Variants in GCH1 observed in about 807,000 individuals in gnomAD.
The protein encoded by GCH1 is GTP cyclohydrolase 1.
A neutral mutation model predicts 25.9 loss-of-function variants in GCH1; 5 were observed. That is an observed-to-expected ratio of 0.19 (90% CI 0.10 to 0.41). The LOEUF is 0.41. GCH1 is among the 10% of genes least tolerant of loss of function. GCH1 has a pLI of 1.00. For missense variants in GCH1, 261 were observed against 336.5 expected (o/e 0.78, Z 1.75); for synonymous variants, 159 against 129.6 (o/e 1.23, Z -1.54).
intron 1 of GCH1, among the ~76,000 whole-genome samples, chr14:54,874,361 C>G (rs996329120): frequency 3.9e-5 from 6 of 152,242 alleles, no homozygotes; most frequent in African/African-American, 1.4e-4. Flanking sequence ...TAAGAGCTAT[C>G]TATGACAAAC....
At chr14:54,862,184 C>T (rs889310168) in intron 2 of GCH1, among the ~76,000 whole-genome samples, 21 of 151,934 alleles carry the variant, frequency 1.4e-4, no homozygotes, top group Admixed American at 1.2e-3. Context: ...GGTATGCACC[C>T]ACCATGCCCA....
chr14:54,843,134 G>C lies in GCH1; in HGVS notation c.*883C>G. 2 of 1,514,882 alleles carry C rather than the reference G, an allele frequency of 1.3e-6. No individual in the cohort carries two copies. The highest frequency in any genetic ancestry group is 2.1e-4 in the Middle Eastern group (1 of 4,808). 93.8% of individuals were successfully genotyped at this position (1,514,882 alleles called of 1,614,324 possible). The stretch of plus-strand genomic sequence containing the variant: ...ATAAGATTAAAAAAAAGAAGAAGAA[G>C]AAACATTTTGAGGCATCTACATGGA... On this transcript the variant is annotated 3_prime_UTR_variant, in exon 6 of 6. Transcript: ENST00000491895.
chr14:54,902,253 C>G (rs890392275), intron 1 of GCH1, 68 bp downstream of exon 1: 3 of 1,530,208 alleles, frequency 2.0e-6, no homozygotes, highest in Non-Finnish European at 2.7e-6. Flanking sequence ...TTCCTGGAGC[C>G]GGCGCGCGTT....
At position 54,872,415 on chromosome 14, in the gene GCH1, G is replaced by A. The variant is rs527332056; in HGVS notation, c.344-6979C>T. ...AACATGCCAAATTGTAAAGACCATT[G>A]AGGCTAGGAAAAAACTGCATCAACT... On this transcript the variant is annotated intron_variant, in intron 1 of 5. Coordinates refer to ENST00000491895, the MANE Select transcript of GCH1 (RefSeq NM_000161.3). 3.1e-3 allele frequency among the ~76,000 whole-genome samples: 468 copies of A among 152,170 alleles called. 2 individuals are homozygous for A. Among genetic ancestry groups the A allele is most frequent in the African/African-American group, 7.6e-3 (316 of 41,458 alleles).
intron 1 of GCH1, among the ~76,000 whole-genome samples, chr14:54,875,183 T>C (rs1028851048): frequency 3.3e-5 from 5 of 152,032 alleles, no homozygotes; most frequent in African/African-American, 2.4e-5. Context: ...TCTACAACCA[T>C]CCGATCTTTG....
At chr14:54,865,660 T>C (rs2039980141) in intron 1 of GCH1, among the ~76,000 whole-genome samples, 1 of 152,112 alleles carries the variant, frequency 6.6e-6, no homozygotes, top group Non-Finnish European at 1.5e-5. Context: ...AAATGCAGGA[T>C]TATGAACATA....
intron 1 of GCH1, among the ~76,000 whole-genome samples, chr14:54,869,639 C>T (rs2040040636): frequency 6.6e-6 from 1 of 152,152 alleles, no homozygotes. Context: ...TACCACCACG[C>T]CCAGCTAATT....
At chr14:54,855,137 G>A (rs1384810405) in intron 3 of GCH1, among the ~76,000 whole-genome samples, 5 of 152,142 alleles carry the variant, frequency 3.3e-5, no homozygotes, top group Admixed American at 2.0e-4. Context: ...GAAATATTAG[G>A]TAGCTATGAA....
intron 1 of GCH1, among the ~76,000 whole-genome samples, chr14:54,876,949 C>T (rs1241679337): frequency 6.6e-6 from 1 of 152,062 alleles, no homozygotes; most frequent in African/African-American, 2.4e-5. Context: ...GTTTTACATA[C>T]TCAAAATTAA....
chr14:54,887,181 A>G (rs995277485), intron 1 of GCH1, among the ~76,000 whole-genome samples: 1 of 152,238 alleles, frequency 6.6e-6, no homozygotes, highest in African/African-American at 2.4e-5. Context: ...CTAATAAAAC[A>G]TTTTTTAAAA....
intron 1 of GCH1, among the ~76,000 whole-genome samples, chr14:54,899,064 T>C (rs890788921): frequency 2.0e-5 from 3 of 152,244 alleles, no homozygotes; most frequent in African/African-American, 7.2e-5. Context: ...TGTGAATTTT[T>C]CAGCTCCATT....
chr14:54,881,481 A>C (rs1193996714), intron 1 of GCH1, among the ~76,000 whole-genome samples: 1 of 152,198 alleles, frequency 6.6e-6, no homozygotes, highest in East Asian at 1.9e-4. Flanking sequence ...CTCTGCTTTC[A>C]CTTTCATCAT....
chr14:54,900,519 C>A (rs2040550196), intron 1 of GCH1, among the ~76,000 whole-genome samples: 1 of 152,120 alleles, frequency 6.6e-6, no homozygotes, highest in Non-Finnish European at 1.5e-5. Flanking sequence ...CCAACCAGAA[C>A]AGTTTTCTAA....
chr14:54,854,120 C>T (rs1159210153), intron 3 of GCH1, among the ~76,000 whole-genome samples: 1 of 152,202 alleles, frequency 6.6e-6, no homozygotes, highest in Admixed American at 6.5e-5. Context: ...AGATTTTCAA[C>T]TTGTAGATTT....
At chr14:54,860,907 A>C (rs1463676674) in intron 2 of GCH1, among the ~76,000 whole-genome samples, 1 of 152,088 alleles carries the variant, frequency 6.6e-6, no homozygotes, top group Non-Finnish European at 1.5e-5. Flanking sequence ...CACCCTAAGA[A>C]CTAAGTTTTA....
At chr14:54,869,176 C>G (rs919311864) in intron 1 of GCH1, among the ~76,000 whole-genome samples, 2 of 150,380 alleles carry the variant, frequency 1.3e-5, no homozygotes, top group Non-Finnish European at 3.0e-5. Context: ...GTAGCTGGGA[C>G]TACAGGCACG....
intron 1 of GCH1, among the ~76,000 whole-genome samples, chr14:54,899,619 A>C (rs201984774): frequency 1.3e-5 from 2 of 151,956 alleles, no homozygotes; most frequent in East Asian, 3.9e-4. Context: ...CAGGCACGCC[A>C]CAAAACCTGT....
intron 3 of GCH1, 39 bp downstream of exon 3, chr14:54,859,642 A>C (rs200509539): frequency 1.1e-4 from 131 of 1,183,130 alleles, no homozygotes; most frequent in Non-Finnish European, 1.6e-4. Flanking sequence ...GGCAGGTCCT[A>C]TAAACCTGTA....
rs555705021 is a variant in GCH1, at chr14:54,891,519, C to T, written c.343+10802G>A. On this transcript the variant is annotated intron_variant, in intron 1 of 5. Coordinates refer to ENST00000491895, the MANE Select transcript of GCH1 (RefSeq NM_000161.3). ...CCGCCTCCCGGGTTCAAGTGATTCT[C>T]GTGCCTCAGCCTCCCGAGTACCTGG... Among the ~76,000 whole-genome samples the T allele has an allele frequency of 4.2e-4, 64 of 151,326 alleles. No homozygotes were observed. In the South Asian group the frequency reaches 0.013, roughly 31 times the overall value.
Sources: gnomAD v4.1 joint callset for allele counts (sites outside exome capture counted in the v4.1 genomes callset) on GRCh38, gnomAD v4.1.1 for gene constraint, MANE v1.5 for transcripts, NCBI Gene and HGNC (gene_info 2026-07-23, HGNC 2026-07-21) for gene names.